GRIK2: variants seen among roughly 807,000 people sequenced by gnomAD.
GRIK2 encodes glutamate ionotropic receptor kainate type subunit 2.
Under a neutral mutation model 100.3 loss-of-function variants are expected in GRIK2, and 32 were observed. The ratio of observed to expected loss-of-function variants is 0.32; its 90% CI spans 0.24 to 0.43. The LOEUF (loss-of-function observed/expected upper bound fraction) is 0.43, where lower values mean the gene tolerates loss of function less well. Among genes scored for constraint, GRIK2 ranks in the 20% least tolerant of loss-of-function variants. GRIK2 has a pLI of 1.00. For missense variants in GRIK2, 843 were observed against 1,114.9 expected (o/e 0.76, Z 3.47); for synonymous variants, 417 against 389.4 (o/e 1.07, Z -0.83).
chr6:101,500,057 CAT>C (rs1773669140), intron 2 of GRIK2, among the ~76,000 whole-genome samples: 1 of 152,058 alleles, frequency 6.6e-6, no homozygotes, highest in Non-Finnish European at 1.5e-5. Flanking sequence ...TTTAACATCA[CAT>C]ATGGATATAA....
intron 11 of GRIK2, among the ~76,000 whole-genome samples, chr6:101,886,726 T>A (rs1193953507): frequency 6.6e-6 from 1 of 151,818 alleles, no homozygotes; most frequent in East Asian, 1.9e-4. Flanking sequence ...CCTATCCAAC[T>A]GAAGTTTTAT....
At chr6:101,585,166 A>T (rs186305710) in intron 2 of GRIK2, among the ~76,000 whole-genome samples, 347 of 152,206 alleles carry the variant, frequency 2.3e-3, no homozygotes, top group Non-Finnish European at 3.5e-3. Context: ...AAAATAATCA[A>T]CATTAATAAA....
At chr6:101,550,892 T>C (rs1776480129) in intron 2 of GRIK2, among the ~76,000 whole-genome samples, 1 of 152,152 alleles carries the variant, frequency 6.6e-6, no homozygotes, top group African/African-American at 2.4e-5. Flanking sequence ...CTTCTTCACC[T>C]ATAAAATGAA....
intron 2 of GRIK2, among the ~76,000 whole-genome samples, chr6:101,518,520 G>A (rs1774705835): frequency 6.7e-6 from 1 of 150,004 alleles, no homozygotes; most frequent in South Asian, 2.1e-4. Flanking sequence ...AATTTTCTAT[G>A]TGAAACAGAT....
intron 7 of GRIK2, among the ~76,000 whole-genome samples, chr6:101,776,662 A>G (rs1778766241): frequency 6.6e-6 from 1 of 152,226 alleles, no homozygotes; most frequent in Non-Finnish European, 1.5e-5. Flanking sequence ...ACAAGACATT[A>G]TAATATTTTA....
At chr6:101,743,479 T>A (rs1263618781) in intron 7 of GRIK2, among the ~76,000 whole-genome samples, 1 of 152,220 alleles carries the variant, frequency 6.6e-6, no homozygotes, top group Non-Finnish European at 1.5e-5. Context: ...CACTTCTATA[T>A]GGAAACTTAT....
intron 14 of GRIK2, among the ~76,000 whole-genome samples, chr6:101,992,745 T>C (rs1249209247): frequency 6.6e-6 from 1 of 151,518 alleles, no homozygotes. Context: ...GTTTGAACTA[T>C]CTAAACTAAA....
chr6:102,015,729 T>G (rs771302560), intron 14 of GRIK2, among the ~76,000 whole-genome samples: 2 of 152,220 alleles, frequency 1.3e-5, no homozygotes, highest in Non-Finnish European at 2.9e-5. Context: ...CAAAGTGCTT[T>G]GGCTGGCACC....
intron 11 of GRIK2, among the ~76,000 whole-genome samples, chr6:101,885,989 A>G (rs1307008264): frequency 6.6e-6 from 1 of 152,130 alleles, no homozygotes; most frequent in Non-Finnish European, 1.5e-5. Flanking sequence ...TGATAAATGC[A>G]TAATGTGTAT....
At position 101,474,125 on chromosome 6, in the gene GRIK2, G is replaced by A. The variant is rs186366101; in HGVS notation, c.115+74733G>A. On this transcript the variant is annotated intron_variant, in intron 2 of 16. Transcript: ENST00000369134. ...GGAGTGAAGAGACAGAAAAGCAGTA[G>A]CAAAACTCTCTTCTGTTAGGTCAAT... Among the ~76,000 whole-genome samples, 220 of 151,906 alleles carry A rather than the reference G, an allele frequency of 1.4e-3. 1 individual carries two copies. Among genetic ancestry groups the A allele is most frequent in the Non-Finnish European group, 1.9e-3 (131 of 67,780 alleles).
At chr6:101,720,963 A>G (rs1774439919) in intron 7 of GRIK2, among the ~76,000 whole-genome samples, 1 of 152,036 alleles carries the variant, frequency 6.6e-6, no homozygotes, top group Non-Finnish European at 1.5e-5. Context: ...AATACAGTTC[A>G]TGCCAAGTTT....
chr6:101,617,446 TC>T (rs1175016480), intron 2 of GRIK2, among the ~76,000 whole-genome samples: 1 of 151,820 alleles, frequency 6.6e-6, no homozygotes, highest in African/African-American at 2.4e-5. Context: ...ATGCAGGTCT[TC>T]CATGTTGTTA....
intron 2 of GRIK2, among the ~76,000 whole-genome samples, chr6:101,569,237 A>G (rs571101151): frequency 1.8e-4 from 27 of 152,204 alleles, no homozygotes; most frequent in African/African-American, 6.3e-4. Context: ...TTAGTATTGA[A>G]AAGTATAAAC....
intron 9 of GRIK2, among the ~76,000 whole-genome samples, chr6:101,815,316 TC>T (rs1781568967): frequency 6.6e-6 from 1 of 152,216 alleles, no homozygotes; most frequent in Non-Finnish European, 1.5e-5. Flanking sequence ...TAATATGCAT[TC>T]TTTTTCTGAC....
chr6:101,432,773 A>T (rs1225355758), intron 2 of GRIK2, among the ~76,000 whole-genome samples: 1 of 152,170 alleles, frequency 6.6e-6, no homozygotes, highest in Non-Finnish European at 1.5e-5. Flanking sequence ...CACAATAGTG[A>T]CCATATAAGC....
intron 15 of GRIK2, among the ~76,000 whole-genome samples, chr6:102,044,800 A>G (rs1770795009): frequency 6.6e-6 from 1 of 151,872 alleles, no homozygotes; most frequent in Non-Finnish European, 1.5e-5. Context: ...GCCTGAGTTT[A>G]CCTTTTTTCA....
At chr6:101,649,071 C>G (rs1781664168) in intron 4 of GRIK2, among the ~76,000 whole-genome samples, 1 of 152,008 alleles carries the variant, frequency 6.6e-6, no homozygotes, top group Non-Finnish European at 1.5e-5. Context: ...TATTACAATT[C>G]AAGGTGAGAA....
intron 14 of GRIK2, among the ~76,000 whole-genome samples, chr6:101,929,313 G>T (rs1357559972): frequency 1.3e-5 from 2 of 152,014 alleles, no homozygotes; most frequent in Non-Finnish European, 2.9e-5. Flanking sequence ...ACCAGTTGAG[G>T]GATTTCACTT....
At position 102,067,241 on chromosome 6, in the gene GRIK2, T is replaced by A. The variant is rs534637177; in HGVS notation, c.2563-1106T>A. Among the ~76,000 whole-genome samples the A allele has an allele frequency of 7.1e-4, 107 of 151,724 alleles. 1 individual carries two copies. The highest frequency in any genetic ancestry group is 1.5e-3 in the Admixed American group (23 of 15,138). On this transcript the variant is annotated intron_variant, in intron 16 of 16. Transcript: ENST00000369134. ...TTAGCAAATGCATTACCTCACATAT[T>A]TATTATTTTTGCAATGAGAACACTT...
Sources: gnomAD v4.1 joint callset for allele counts (sites outside exome capture counted in the v4.1 genomes callset) on GRCh38, gnomAD v4.1.1 for gene constraint, MANE v1.5 for transcripts, NCBI Gene and HGNC (gene_info 2026-07-23, HGNC 2026-07-21) for gene names.